The following PRKX variants were observed in gnomAD, a reference collection of about 807,000 sequenced individuals.
PRKX encodes cAMP-dependent protein kinase catalytic subunit PRKX.
PRKX carries 12 observed loss-of-function variants against 22.0 expected under a neutral mutation model. That is an observed-to-expected ratio of 0.54 (90% confidence interval 0.35 to 0.88). The LOEUF (loss-of-function observed/expected upper bound fraction) is 0.88. Among genes scored for constraint, PRKX ranks in the 40% least tolerant of loss-of-function variants. PRKX has a pLI of 0.01. For synonymous variants in PRKX, 134 were observed against 137.7 expected (o/e 0.97, Z 0.19); for missense variants, 217 against 308.0 (o/e 0.70, Z 2.21).
rs56411206 is a variant in PRKX at position 3,662,998 on chromosome X, T to TAAAAA, written c.336-7591_336-7587dup. Among the ~76,000 whole-genome samples, 30 of 78,495 alleles carry TAAAAA rather than the reference T, an allele frequency of 3.8e-4. No homozygotes were observed. The East Asian group carries it at 6.9e-3, about 18-fold the overall frequency. 68.2% of individuals were successfully genotyped at this position (78,495 alleles called of 115,157 possible). A position where few individuals can be genotyped will look rare whatever the true frequency, so the allele number is the denominator to read the frequency against. On this transcript the variant is annotated intron_variant, in intron 2 of 8. Transcript: ENST00000262848. ...GGGCAACAGAGAAAGGCCCTGTCTT[T>TAAAAA]AAAAAAAAAAAAAAAAAAAAAATTA...
intron 1 of PRKX, among the ~76,000 whole-genome samples, chrX:3,681,758 C>T (rs777786994): frequency 6.4e-5 from 7 of 110,005 alleles, no homozygotes; most frequent in Non-Finnish European, 1.1e-4. Context: ...ACAGAAAACA[C>T]ATTTCTCACT....
chrX:3,712,873 C>G (rs1288532378), intron 1 of PRKX, among the ~76,000 whole-genome samples: 1 of 112,607 alleles, frequency 8.9e-6, no homozygotes, highest in Non-Finnish European at 1.9e-5. Flanking sequence ...GGCACCCGGC[C>G]GGTCGGGGGT....
intron 2 of PRKX, among the ~76,000 whole-genome samples, chrX:3,672,358 C>T (rs1205638583): frequency 8.9e-6 from 1 of 111,897 alleles, no homozygotes; most frequent in Non-Finnish European, 1.9e-5. Flanking sequence ...AAATCAGAAT[C>T]CACGTCCCTG....
At chrX:3,706,465 G>A (rs1189044037) in intron 1 of PRKX, among the ~76,000 whole-genome samples, 7 of 111,456 alleles carry the variant, frequency 6.3e-5, no homozygotes, top group Non-Finnish European at 1.3e-4. Context: ...CTGGGTACAG[G>A]CGTGAGCCTC....
At chrX:3,711,476 C>T (rs1482919879) in intron 1 of PRKX, among the ~76,000 whole-genome samples, 1 of 112,169 alleles carries the variant, frequency 8.9e-6, no homozygotes, top group East Asian at 2.8e-4. Context: ...CCCTCCTGCC[C>T]GCATCCTGCT....
At chrX:3,689,786 G>A (rs765964830) in intron 1 of PRKX, among the ~76,000 whole-genome samples, 8 of 111,698 alleles carry the variant, frequency 7.2e-5, no homozygotes, top group East Asian at 2.8e-4. Flanking sequence ...GACCATCCTG[G>A]CTAACACGGT....
chrX:3,694,234 A>G lies in PRKX; in HGVS notation c.166+18854T>C, dbSNP rs189538816. Among the ~76,000 whole-genome samples, 336 of 107,896 alleles carry G rather than the reference A, an allele frequency of 3.1e-3. 3 individuals are homozygous for G. Among genetic ancestry groups the G allele is most frequent in the South Asian group, 0.015 (36 of 2,411 alleles). The allele number at this position is 107,896 out of a possible 115,157, so 93.7% of individuals were successfully genotyped here. A position where few individuals can be genotyped will look rare whatever the true frequency, so the allele number is the denominator to read the frequency against. On this transcript the variant is annotated intron_variant, in intron 1 of 8. Transcript: ENST00000262848. ...AAATCCCGTCTCCACTAAAAATATAAAAAATAAGCCAGGCGTGGTGTCGGG... is the reference window on the plus strand; with the variant it reads ...AAATCCCGTCTCCACTAAAAATATAGAAAATAAGCCAGGCGTGGTGTCGGG...
rs141012473 is a variant in PRKX, at chrX:3,615,805, T to A, written c.951+10A>T. 2.5e-3 allele frequency: 3,005 copies of A among 1,193,789 alleles called. 34 individuals carry two copies. In the African/African-American group the frequency reaches 0.043, roughly 17 times the overall value. On this transcript the variant is annotated intron_variant, in intron 7 of 8. Coordinates refer to ENST00000262848, the MANE Select transcript of PRKX (RefSeq NM_005044.5). The stretch of plus-strand genomic sequence containing the variant: ...GGGCATACTGAGTCACCCACTGATA[T>A]GTGTTGTACCTTCAGTTTTCTCTGC...
Position 3,655,104 on chromosome X carries a change from A to T in PRKX, c.599+45T>A, listed in dbSNP as rs150255434. ...TGCCACAACTACCACCACCTTTCTC[A>T]TTGCCAAGCAGTGTAGATTCCATCG... On this transcript the variant is annotated intron_variant, in intron 3 of 8. Coordinates refer to ENST00000262848, the MANE Select transcript of PRKX (RefSeq NM_005044.5). The T allele has an allele frequency of 1.0e-3, 1,256 of 1,199,492 alleles. 12 individuals carry two copies. In the African/African-American group the frequency reaches 0.019, roughly 18 times the overall value.
chrX:3,672,672 A>G lies in PRKX; in HGVS notation c.335+1926T>C, dbSNP rs147560625. Reference sequence around the variant, plus strand: ...TGTGAGTTCCTCAGGGCTATCATTAACAAAGTACCACAAACTGGGGGTTGG... The same window carrying G: ...TGTGAGTTCCTCAGGGCTATCATTAGCAAAGTACCACAAACTGGGGGTTGG... On this transcript the variant is annotated intron_variant, in intron 2 of 8. Transcript: ENST00000262848. Among the ~76,000 whole-genome samples, 19 of 110,805 alleles carry G rather than the reference A, an allele frequency of 1.7e-4. No individual in the cohort carries two copies. In the East Asian group the frequency reaches 5.4e-3, roughly 32 times the overall value.
chrX:3,700,525 CTA>C (rs1015753384), intron 1 of PRKX, among the ~76,000 whole-genome samples: 4 of 110,924 alleles, frequency 3.6e-5, no homozygotes, highest in East Asian at 2.8e-4. Context: ...GATTTTTTTT[CTA>C]TGTTTTTCTT....
rs778163863 is a variant in PRKX, at chrX:3,626,581, C to T, written c.720-67G>A. 2.6e-5 allele frequency: 21 copies of T among 802,118 alleles called. No individual in the cohort carries two copies. The East Asian group carries it at 4.9e-4, about 19-fold the overall frequency. 66.1% of individuals were successfully genotyped at this position (802,118 alleles called of 1,213,427 possible). A position where few individuals can be genotyped will look rare whatever the true frequency, so the allele number is the denominator to read the frequency against. ...ATGGAAAAAAATCCCTGCTTTGTAA[C>T]GATAGCTATTTCTGCTTCACACAGG... On this transcript the variant is annotated intron_variant, in intron 4 of 8. Coordinates refer to ENST00000262848, the MANE Select transcript of PRKX (RefSeq NM_005044.5).
At chrX:3,689,836 G>GC (rs1928277792) in intron 1 of PRKX, among the ~76,000 whole-genome samples, 1 of 111,497 alleles carries the variant, frequency 9.0e-6, no homozygotes, top group African/African-American at 3.3e-5. Context: ...AATTAGCCGA[G>GC]TGTGGTGGCG....
chrX:3,664,659 C>A (rs1342235571), intron 2 of PRKX, among the ~76,000 whole-genome samples: 1 of 112,045 alleles, frequency 8.9e-6, no homozygotes, highest in African/African-American at 3.2e-5. Context: ...ATGTCTTTTG[C>A]AACGACAGGG....
intron 2 of PRKX, chrX:3,667,875 T>G (rs1447345056): frequency 9.0e-6 from 1 of 110,723 alleles, no homozygotes; most frequent in Non-Finnish European, 1.9e-5. Flanking sequence ...AGAATGAGTT[T>G]CCACCACCCA....
chrX:3,630,552 T>G (rs751352335), intron 4 of PRKX, among the ~76,000 whole-genome samples: 150 of 111,592 alleles, frequency 1.3e-3, no homozygotes, highest in Non-Finnish European at 2.0e-3. Flanking sequence ...AGAGCAAGAC[T>G]CTGTCTCAAA....
At chrX:3,657,501 AAAC>A (rs1306198921) in intron 2 of PRKX, among the ~76,000 whole-genome samples, 2 of 111,912 alleles carry the variant, frequency 1.8e-5, no homozygotes, top group Non-Finnish European at 3.8e-5. Flanking sequence ...AAAAATTATA[AAAC>A]AATAAATCAG....
chrX:3,696,041 C>A (rs1335926598), intron 1 of PRKX, among the ~76,000 whole-genome samples: 1 of 111,168 alleles, frequency 9.0e-6, no homozygotes, highest in Non-Finnish European at 1.9e-5. Flanking sequence ...TCCTCATCCC[C>A]AAGGTGATGA....
At chrX:3,710,461 T>A (rs1928767251) in intron 1 of PRKX, among the ~76,000 whole-genome samples, 1 of 111,729 alleles carries the variant, frequency 9.0e-6, no homozygotes, top group Non-Finnish European at 1.9e-5. Context: ...AACCTCTGCC[T>A]CCTGGGTGCA....
Sources: gnomAD v4.1 joint callset for allele counts (sites outside exome capture counted in the v4.1 genomes callset) on GRCh38, gnomAD v4.1.1 for gene constraint, MANE v1.5 for transcripts, NCBI Gene and HGNC (gene_info 2026-07-23, HGNC 2026-07-21) for gene names.